ADAT2: variants seen among roughly 807,000 people sequenced by gnomAD.
ADAT2 encodes the protein tRNA-specific adenosine-34 deaminase catalytic subunit ADAT2.
In ADAT2, 26 loss-of-function variants were observed where a neutral mutation model predicts 25.9. The observed-to-expected ratio is 1.00, with a 90% CI of 0.74 to 1.39. The LOEUF is 1.39. ADAT2 is among the 40% of genes most tolerant of loss of function. The pLI is 0.00. For synonymous variants in ADAT2, 76 were observed against 86.8 expected (o/e 0.88, Z 0.69); for missense variants, 220 against 244.8 (o/e 0.90, Z 0.68).
chr6:143,445,015 T>G (rs1316006754), intron 1 of ADAT2: 1 of 1,227,678 alleles, frequency 8.1e-7, no homozygotes, highest in African/African-American at 1.6e-5. Context: ...TAGCCAGAAC[T>G]CTCAGGTAGA....
chr6:143,438,223 T>C (rs1436123548), intron 2 of ADAT2, among the ~76,000 whole-genome samples: 1 of 152,220 alleles, frequency 6.6e-6, no homozygotes, highest in Non-Finnish European at 1.5e-5. Context: ...GAAAATTTCA[T>C]ATATTAGATT....
At position 143,443,438 on chromosome 6, in the gene ADAT2, G is replaced by T. The variant is rs944914765; in HGVS notation, c.97-4744C>A. On this transcript the variant is annotated intron_variant, in intron 1 of 5. Coordinates refer to ENST00000237283, the MANE Select transcript of ADAT2 (RefSeq NM_182503.3). ...GAGAGTGAGACATGGAAATTTTAAGGATAAAAAAAATGGCAAGAGGAGTTC... is the reference window on the plus strand; with the variant it reads ...GAGAGTGAGACATGGAAATTTTAAGTATAAAAAAAATGGCAAGAGGAGTTC... 4.6e-5 allele frequency among the ~76,000 whole-genome samples: 7 copies of T among 151,912 alleles called. No homozygotes were observed. In the East Asian group the frequency reaches 1.3e-3, roughly 29 times the overall value.
Position 143,436,700 on chromosome 6 carries a change from T to A in ADAT2, c.201+1890A>T. The A allele has an allele frequency of 4.0e-6, 1 of 249,024 alleles. No homozygotes were observed. The highest frequency in any genetic ancestry group is 1.1e-4 in the East Asian group (1 of 9,436). The allele number at this position is 249,024 out of a possible 1,614,324, so 15.4% of individuals were successfully genotyped here. ...GAGTCTGAGGAGTGGACTGAGGAAA[T>A]GGGGGCGTAGAGCCTTCTGTTACTG... On this transcript the variant is annotated intron_variant, in intron 2 of 5. Transcript: ENST00000237283. This position sits in a 1 kb window ranked among gnomAD's most constrained non-coding sequence, Gnocchi z 4.1.
chr6:143,448,364 C>T (rs1308703864), intron 1 of ADAT2, among the ~76,000 whole-genome samples: 1 of 152,016 alleles, frequency 6.6e-6, no homozygotes, highest in East Asian at 1.9e-4. Context: ...AACAAACCTG[C>T]ACATTGTGCA....
rs1434592356 is a variant in ADAT2 at position 143,450,549 on chromosome 6, C to A, written c.96+14G>T. On this transcript the variant is annotated intron_variant, in intron 1 of 5. Coordinates refer to ENST00000237283, the MANE Select transcript of ADAT2 (RefSeq NM_182503.3). ...AGGTCCCACCCCGCAGCATCTACCT[C>A]CCGGGCTCCTCACCATGTGCATCGC... 6.2e-7 allele frequency: 1 copy of A among 1,613,826 alleles called. No homozygotes were observed. Among genetic ancestry groups the A allele is most frequent in the Non-Finnish European group, 8.5e-7 (1 of 1,179,940 alleles).
Position 143,433,865 on chromosome 6 carries a change from C to T in ADAT2, c.318G>A (p.Pro106=), listed in dbSNP as rs902812006. 1.4e-5 allele frequency: 23 copies of T among 1,613,918 alleles called. No homozygotes were observed. Among genetic ancestry groups the T allele is most frequent in the East Asian group, 2.2e-5 (1 of 44,900 alleles). ...EHTVLYVTVE[P]CIMCAAALRL... is the part of the protein sequence containing the mutation. The stretch of plus-strand genomic sequence containing the variant: ...GGAGAGCAGCTGCACACATAATGCA[C>T]GGCTCCACAGTGACATACAACACAG... The change falls in exon 3 of 6, where the codon CCG becomes CCA. Residue 106 remains proline (P), a synonymous_variant. Transcript: ENST00000237283.
chr6:143,443,735 GC>G (rs1410155596), intron 1 of ADAT2, among the ~76,000 whole-genome samples: 1 of 151,782 alleles, frequency 6.6e-6, no homozygotes, highest in East Asian at 1.9e-4. Flanking sequence ...GGAGGCTGAG[GC>G]ATGAGAATCG....
Position 143,425,654 on chromosome 6 carries a change from A to C in ADAT2, c.*2809T>G, listed in dbSNP as rs1044069136. On this transcript the variant is annotated 3_prime_UTR_variant, in exon 6 of 6. Transcript: ENST00000237283. ...AAACTGTAATACAAATGATAGATTCAAGTATATCAATGTTAAATTTACTTA... is the reference window on the plus strand; with the variant it reads ...AAACTGTAATACAAATGATAGATTCCAGTATATCAATGTTAAATTTACTTA... 7 of 152,124 alleles carry C rather than the reference A, an allele frequency of 4.6e-5. No homozygotes were observed. Among genetic ancestry groups the C allele is most frequent in the Admixed American group, 1.3e-4 (2 of 15,238 alleles). The allele number at this position is 152,124 out of a possible 1,614,324, so 9.4% of individuals were successfully genotyped here. A position where few individuals can be genotyped will look rare whatever the true frequency, so the allele number is the denominator to read the frequency against.
rs1778911025 is a variant in ADAT2 at position 143,425,727 on chromosome 6, T to TTCTGTTTGTGTGTGTG, written c.*2735_*2736insCACACACACAAACAGA. On this transcript the variant is annotated 3_prime_UTR_variant, in exon 6 of 6. Transcript: ENST00000237283. Reference sequence around the variant, plus strand: ...TTTCGGGGTAAAGGGCCATGGTGTGTTGTGTTTGTGTGTGTGTGTGTGTGT... The same window carrying TTCTGTTTGTGTGTGTG: ...TTTCGGGGTAAAGGGCCATGGTGTGTTCTGTTTGTGTGTGTGTGTGTTTGTGTGTGTGTGTGTGTGT... 2 of 78,152 alleles carry TTCTGTTTGTGTGTGTG rather than the reference T, an allele frequency of 2.6e-5. No individual in the cohort carries two copies. The highest frequency in any genetic ancestry group is 4.9e-5 in the Non-Finnish European group (2 of 41,196). The allele number at this position is 78,152 out of a possible 1,614,324, so 4.8% of individuals were successfully genotyped here.
rs992907679 is a variant in ADAT2 at position 143,446,218 on chromosome 6, A to G, written c.96+4345T>C. Among the ~76,000 whole-genome samples the G allele has an allele frequency of 4.6e-5, 7 of 152,214 alleles. No homozygotes were observed. In the South Asian group the frequency reaches 1.5e-3, roughly 32 times the overall value. On this transcript the variant is annotated intron_variant, in intron 1 of 5. Transcript: ENST00000237283. This position sits in a 1 kb window ranked among gnomAD's most constrained non-coding sequence, Gnocchi z 5.0. ...TTTTTAAAAAGTCAAATAGATTTACACTGTATATACAGTTCAGCAGTCTGC... is the reference window on the plus strand; with the variant it reads ...TTTTTAAAAAGTCAAATAGATTTACGCTGTATATACAGTTCAGCAGTCTGC...
In ADAT2 at chr6:143,432,424, G is replaced by T; in HGVS notation, c.459+81C>A. On this transcript the variant is annotated intron_variant, in intron 4 of 5. Transcript: ENST00000237283. The surrounding 1 kb of genome is among the most constrained non-coding windows in gnomAD (Gnocchi z 4.4). ...TCTATCATCGTTTCTTCGTATACTG[G>T]CCACACACTAGTTATTCACAAGCCC... 2.4e-6 allele frequency: 3 copies of T among 1,267,586 alleles called. No homozygotes were observed. The highest frequency in any genetic ancestry group is 3.4e-6 in the Non-Finnish European group (3 of 873,868). The allele number at this position is 1,267,586 out of a possible 1,614,324, so 78.5% of individuals were successfully genotyped here.
intron 4 of ADAT2, among the ~76,000 whole-genome samples, chr6:143,431,090 G>A (rs1779101877): frequency 6.6e-6 from 1 of 152,102 alleles, no homozygotes; most frequent in Admixed American, 6.5e-5. Context: ...CAGAGCCTGG[G>A]CCACCACTGT....
rs567375874 is a variant in ADAT2, at chr6:143,432,012, C to T, written c.459+493G>A. On this transcript the variant is annotated intron_variant, in intron 4 of 5. Coordinates refer to ENST00000237283, the MANE Select transcript of ADAT2 (RefSeq NM_182503.3). This position sits in a 1 kb window ranked among gnomAD's most constrained non-coding sequence, Gnocchi z 4.4. The stretch of plus-strand genomic sequence containing the variant: ...GAAATTTCAACATTAAAAAGACACA[C>T]AAAAAAAGACATGAAAATACAGTGA... 2.0e-5 allele frequency among the ~76,000 whole-genome samples: 3 copies of T among 151,940 alleles called. No homozygotes were observed. Among genetic ancestry groups the T allele is most frequent in the Admixed American group, 6.5e-5 (1 of 15,272 alleles).
chr6:143,432,354 C>T lies in ADAT2; in HGVS notation c.459+151G>A. ...TCTTCCCTGTCATCTTATACTGAGG[C>T]ATAAATGAACTCCACCAGAGGCCCT... On this transcript the variant is annotated intron_variant, in intron 4 of 5. Transcript: ENST00000237283. This position sits in a 1 kb window ranked among gnomAD's most constrained non-coding sequence, Gnocchi z 4.4. 1.5e-6 allele frequency: 1 copy of T among 681,028 alleles called. No homozygotes were observed. Among genetic ancestry groups the T allele is most frequent in the South Asian group, 1.9e-5 (1 of 53,386 alleles). The allele number at this position is 681,028 out of a possible 1,614,324, so 42.2% of individuals were successfully genotyped here.
At chr6:143,438,751 G>A in intron 1 of ADAT2, 57 bp from the exon 2 acceptor site, 1 of 1,394,886 alleles carries the variant, frequency 7.2e-7, no homozygotes, top group South Asian at 1.2e-5. Context: ...AGAGAGTATA[G>A]GAGAGAAAGA....
In ADAT2 at chr6:143,434,189, G is replaced by A. The variant is rs1328905452; in HGVS notation, c.202-208C>T. Among the ~76,000 whole-genome samples the A allele has an allele frequency of 6.6e-6, 1 of 152,154 alleles. No homozygotes were observed. Among genetic ancestry groups the A allele is most frequent in the Admixed American group, 6.5e-5 (1 of 15,272 alleles). ...TTGCGAAAGATATCTAATCAGAGAT[G>A]CCACAGGAATCATGCTGTATTTTTA... On this transcript the variant is annotated intron_variant, in intron 2 of 5. Transcript: ENST00000237283. This position sits in a 1 kb window ranked among gnomAD's most constrained non-coding sequence, Gnocchi z 4.5.
chr6:143,444,271 A>G lies in ADAT2; in HGVS notation c.97-5577T>C, dbSNP rs1779537738. Among the ~76,000 whole-genome samples, 2 of 152,210 alleles carry G rather than the reference A, an allele frequency of 1.3e-5. No homozygotes were observed. On this transcript the variant is annotated intron_variant, in intron 1 of 5. Transcript: ENST00000237283. This position sits in a 1 kb window ranked among gnomAD's most constrained non-coding sequence, Gnocchi z 4.3. Reference sequence around the variant, plus strand: ...GCGATCGGAATATTTTAAAAGGACAAATAACGTCATTGTTGAGGAATGGCC... The same window carrying G: ...GCGATCGGAATATTTTAAAAGGACAGATAACGTCATTGTTGAGGAATGGCC...
intron 4 of ADAT2, among the ~76,000 whole-genome samples, chr6:143,429,594 TG>T (rs1779048997): frequency 6.6e-6 from 1 of 152,106 alleles, no homozygotes; most frequent in Admixed American, 6.5e-5. Flanking sequence ...GGAAATCAGC[TG>T]ACAGAGGAGG....
At chr6:143,429,444 G>A (rs1779045025) in intron 4 of ADAT2, among the ~76,000 whole-genome samples, 1 of 145,076 alleles carries the variant, frequency 6.9e-6, no homozygotes, top group Non-Finnish European at 1.5e-5. Context: ...ATAAGAAATT[G>A]TGCTAACAGT....
Sources: gnomAD v4.1 joint callset for allele counts (sites outside exome capture counted in the v4.1 genomes callset) on GRCh38, gnomAD v4.1.1 for gene constraint, Gnocchi (gnomAD v3.1) non-coding constraint, MANE v1.5 for transcripts, NCBI Gene and HGNC (gene_info 2026-07-23, HGNC 2026-07-21) for gene names.